Variants in PEBP4 observed in about 807,000 individuals in gnomAD.
PEBP4 encodes phosphatidylethanolamine binding protein 4.
Under a neutral mutation model 23.9 loss-of-function variants are expected in PEBP4, and 22 were observed. The observed-to-expected ratio is 0.92, with a 90% CI of 0.66 to 1.31. PEBP4 has a LOEUF of 1.31. PEBP4 is among the 40% of genes most tolerant of loss of function. The pLI is 0.00. For synonymous variants in PEBP4, 112 were observed against 99.3 expected (o/e 1.13, Z -0.76); for missense variants, 324 against 281.7 (o/e 1.15, Z -1.07).
In PEBP4 at chr8:22,927,642, C is replaced by T. The variant is rs1321508657; in HGVS notation, c.73G>A (p.Asp25Asn). 1.9e-6 allele frequency: 3 copies of T among 1,613,932 alleles called. No individual in the cohort carries two copies. The highest frequency in any genetic ancestry group is 2.5e-6 in the Non-Finnish European group (3 of 1,179,936). Residue 25 changes from aspartate to asparagine, a missense_variant, in exon 2 of 7, where the codon GAT becomes AAT. Transcript: ENST00000256404. ...GLMMVVTGDEDENSPCAHEAL... is the reference protein window; with the variant it reads ...GLMMVVTGDENENSPCAHEAL... ...TCATGGGCACACGGGCTGTTCTCAT[C>T]CTCGTCTCCAGTGACCACCATCATG...
At chr8:22,823,645 A>C (rs1806906985) in intron 3 of PEBP4, among the ~76,000 whole-genome samples, 1 of 152,022 alleles carries the variant, frequency 6.6e-6, no homozygotes. Flanking sequence ...GGGAAGATTG[A>C]TATATCTAAC....
At chr8:22,923,103 T>G (rs975226864) in intron 2 of PEBP4, among the ~76,000 whole-genome samples, 5 of 152,228 alleles carry the variant, frequency 3.3e-5, no homozygotes, top group Non-Finnish European at 7.3e-5. Context: ...ACAATACCTA[T>G]TTGCAGCTGC....
intron 3 of PEBP4, among the ~76,000 whole-genome samples, chr8:22,821,343 T>C (rs979566839): frequency 5.9e-5 from 9 of 152,158 alleles, no homozygotes; most frequent in African/African-American, 1.4e-4. Flanking sequence ...ATAGTAGTAA[T>C]AGAAAGGAGA....
intron 3 of PEBP4, among the ~76,000 whole-genome samples, chr8:22,847,111 G>T (rs1807454088): frequency 6.6e-6 from 1 of 152,182 alleles, no homozygotes; most frequent in Admixed American, 6.5e-5. Context: ...CCCAAAACAA[G>T]TCATTTTTCT....
chr8:22,757,622 C>T (rs1413086573), intron 4 of PEBP4: 1 of 152,206 alleles, frequency 6.6e-6, no homozygotes, highest in African/African-American at 2.4e-5. Context: ...AACTGGAAAT[C>T]AGGCTTCCCT....
At chr8:22,927,800 G>A in intron 1 of PEBP4, 23 bp downstream of exon 1, 4 of 1,566,480 alleles carry the variant, frequency 2.6e-6, no homozygotes, top group Non-Finnish European at 3.5e-6. Flanking sequence ...CGACCCCAGG[G>A]GCCCACTTGG....
intron 3 of PEBP4, among the ~76,000 whole-genome samples, chr8:22,890,000 G>T (rs1013819858): frequency 6.6e-6 from 1 of 152,140 alleles, no homozygotes; most frequent in Non-Finnish European, 1.5e-5. Context: ...TGAGCAAGCC[G>T]CTGAGCACCA....
chr8:22,926,609 G>C (rs963427305), intron 2 of PEBP4, among the ~76,000 whole-genome samples: 1 of 152,154 alleles, frequency 6.6e-6, no homozygotes, highest in South Asian at 2.1e-4. Context: ...GCCTCCCAAA[G>C]TGCTGGGATT....
chr8:22,781,069 A>C (rs918926690), intron 4 of PEBP4, among the ~76,000 whole-genome samples: 8 of 152,276 alleles, frequency 5.3e-5, no homozygotes, highest in African/African-American at 1.7e-4. Flanking sequence ...GTCTTTGAAG[A>C]GGACGGCGCC....
intron 4 of PEBP4, among the ~76,000 whole-genome samples, chr8:22,772,376 A>G (rs1187031696): frequency 1.3e-5 from 2 of 152,028 alleles, no homozygotes; most frequent in Non-Finnish European, 2.9e-5. Context: ...AACTGTAAGC[A>G]CTCAGTAACT....
chr8:22,847,370 T>C (rs917891635), intron 3 of PEBP4, among the ~76,000 whole-genome samples: 1 of 152,216 alleles, frequency 6.6e-6, no homozygotes, highest in African/African-American at 2.4e-5. Flanking sequence ...TCTACCTCCA[T>C]CTTTTTCTCT....
intron 4 of PEBP4, among the ~76,000 whole-genome samples, chr8:22,753,580 C>T (rs1563205062): frequency 1.3e-5 from 2 of 152,300 alleles, no homozygotes; most frequent in Admixed American, 1.3e-4. Context: ...CAGAGCTAGG[C>T]AGCTCCCACA....
chr8:22,721,905 C>T (rs1804526519), intron 6 of PEBP4, among the ~76,000 whole-genome samples: 2 of 152,186 alleles, frequency 1.3e-5, no homozygotes, highest in African/African-American at 4.8e-5. Flanking sequence ...AGTGTTTCAA[C>T]ATCGTGCAAG....
rs1254868694 is a variant in PEBP4, at chr8:22,896,527, TTG to T, written c.258+23655_258+23656del. Among the ~76,000 whole-genome samples, 5 of 152,164 alleles carry T rather than the reference TTG, an allele frequency of 3.3e-5. No individual in the cohort carries two copies. The East Asian group carries it at 9.6e-4, about 29-fold the overall frequency. On this transcript the variant is annotated intron_variant, in intron 3 of 6. Transcript: ENST00000256404. ...CTCCTACTCTCACTTTCCTGACATT[TTG>T]TGTTTCTGATTCAGCATTTTCTGGC...
intron 3 of PEBP4, among the ~76,000 whole-genome samples, chr8:22,856,650 A>T (rs1254095771): frequency 2.0e-5 from 3 of 152,150 alleles, no homozygotes; most frequent in African/African-American, 4.8e-5. Context: ...CCAGAAGAAG[A>T]GGTTTCTGTG....
intron 3 of PEBP4, among the ~76,000 whole-genome samples, chr8:22,849,352 TTGCCTTCAATG>T (rs1164076077): frequency 1.3e-5 from 2 of 152,208 alleles, no homozygotes; most frequent in African/African-American, 4.8e-5. Flanking sequence ...GACCTGGTTC[TTGCCTTCAATG>T]TGCTTTACAG....
intron 3 of PEBP4, among the ~76,000 whole-genome samples, chr8:22,874,759 G>A (rs771129021): frequency 7.2e-5 from 11 of 152,116 alleles, no homozygotes; most frequent in Non-Finnish European, 1.5e-4. Flanking sequence ...ATAACGCAGC[G>A]CTTCTGTTCT....
chr8:22,729,910 C>T (rs960613325), intron 4 of PEBP4, among the ~76,000 whole-genome samples: 7 of 152,176 alleles, frequency 4.6e-5, no homozygotes, highest in Admixed American at 2.0e-4. Context: ...GGAGGGGCTA[C>T]AATTTCTACC....
intron 3 of PEBP4, among the ~76,000 whole-genome samples, chr8:22,830,147 T>TGTG (rs1393564112): frequency 0.015 from 1,225 of 80,866 alleles, 14 homozygotes; most frequent in African/African-American, 0.041. Flanking sequence ...GTGTGTGTGT[T>TGTG]TTTACGGAGT....
Sources: gnomAD v4.1 joint callset for allele counts (sites outside exome capture counted in the v4.1 genomes callset) on GRCh38, gnomAD v4.1.1 for gene constraint, MANE v1.5 for transcripts, NCBI Gene and HGNC (gene_info 2026-07-23, HGNC 2026-07-21) for gene names.